Variants in MED17 observed in about 807,000 individuals in gnomAD.
The protein encoded by MED17 is mediator of RNA polymerase II transcription subunit 17.
In MED17, 49 loss-of-function variants were observed where a neutral mutation model predicts 80.8. That is an observed-to-expected ratio of 0.61 (90% CI 0.48 to 0.77). The LOEUF is 0.77. Among genes scored for constraint, MED17 ranks in the 30% least tolerant of loss-of-function variants. The pLI, the probability that MED17 is intolerant of heterozygous loss-of-function variation, is 0.00. For synonymous variants in MED17, 281 were observed against 280.4 expected (o/e 1.00, Z -0.02); for missense variants, 718 against 787.0 (o/e 0.91, Z 1.05).
Position 93,811,900 on chromosome 11 carries a change from C to T in MED17, c.1792C>T (p.Arg598Cys), listed in dbSNP as rs979902712. The change falls in exon 12 of 12, where the codon CGT becomes TGT. Residue 598 changes from arginine to cysteine, a missense_variant. Transcript: ENST00000251871. The stretch of plus-strand genomic sequence containing the variant: ...CAGCAAGATTATGGTTCAGTTTCCT[C>T]GTAACCAATGTAAAGACCTTCCAAA... ...SGSKIMVQFP[R>C]NQCKDLPKSD... 9.9e-6 allele frequency: 16 copies of T among 1,613,892 alleles called. No homozygotes were observed. The highest frequency in any genetic ancestry group is 5.3e-5 in the African/African-American group (4 of 74,892).
rs1943824876 is a variant in MED17, at chr11:93,790,648, A to C, written c.492A>C (p.Ala164=). 6.2e-7 allele frequency: 1 copy of C among 1,614,134 alleles called. No homozygotes were observed. Among genetic ancestry groups the C allele is most frequent in the Admixed American group, 1.7e-5 (1 of 60,008 alleles). Residue 164 remains alanine (A), a synonymous_variant, in exon 3 of 12, where the codon GCA becomes GCC. Coordinates refer to ENST00000251871, the MANE Select transcript of MED17 (RefSeq NM_004268.5). Reference sequence around the variant, plus strand: ...CAGCACAAATCTTATTGAAGGGGGCAGAAAGACTGACTAAATCAGTTACCG... The same window carrying C: ...CAGCACAAATCTTATTGAAGGGGGCCGAAAGACTGACTAAATCAGTTACCG... ...AGAAQILLKG[A]ERLTKSVTEN...
chr11:93,804,178 CTGT>C (rs1452253934), intron 9 of MED17, among the ~76,000 whole-genome samples: 3 of 151,826 alleles, frequency 2.0e-5, no homozygotes, highest in Admixed American at 2.0e-4. Flanking sequence ...AACCTGGAGT[CTGT>C]TGTTCAAGGG....
chr11:93,793,624 T>G (rs1342762550), intron 3 of MED17, 104 bp from the exon 4 acceptor site: 1 of 877,248 alleles, frequency 1.1e-6, no homozygotes, highest in Non-Finnish European at 1.8e-6. Flanking sequence ...GGGGACTTAC[T>G]TTGTGATTCA....
chr11:93,800,777 C>G (rs1051432199), intron 8 of MED17: 1 of 152,082 alleles, frequency 6.6e-6, no homozygotes, highest in Non-Finnish European at 1.5e-5. Flanking sequence ...GCAGGGACTA[C>G]TCGTGCACGC....
At position 93,790,602 on chromosome 11, in the gene MED17, A is replaced by G; in HGVS notation, c.446A>G (p.Lys149Arg). 1 of 1,614,136 alleles carries G rather than the reference A, an allele frequency of 6.2e-7. No homozygotes were observed. Among genetic ancestry groups the G allele is most frequent in the Non-Finnish European group, 8.5e-7 (1 of 1,180,026 alleles). Residue 149 changes from lysine (K) to arginine (R), a missense_variant, in exon 3 of 12, where the codon AAA becomes AGA. Physicochemically the swap from Lys to Arg is conservative, Grantham distance 26 (BLOSUM62 2). Transcript: ENST00000251871. Reference sequence around the variant, plus strand: ...CCTCAGACGTTGCAATTGATATCTAAAAAGAAGTCACTTGCTGGAGCAGCA... The same window carrying G: ...CCTCAGACGTTGCAATTGATATCTAGAAAGAAGTCACTTGCTGGAGCAGCA... ...QNPQTLQLIS[K>R]KKSLAGAAQI... is the part of the protein sequence containing the mutation.
chr11:93,787,439 G>T (rs1943782589), intron 1 of MED17, among the ~76,000 whole-genome samples: 1 of 151,964 alleles, frequency 6.6e-6, no homozygotes, highest in Non-Finnish European at 1.5e-5. Flanking sequence ...GAAAAGAAAG[G>T]CTACGCTCCA....
chr11:93,799,715 G>A (rs916469721), intron 8 of MED17, among the ~76,000 whole-genome samples: 1 of 152,198 alleles, frequency 6.6e-6, no homozygotes, highest in Non-Finnish European at 1.5e-5. Context: ...TGTTGAGGCT[G>A]CAGTGAGCTG....
At chr11:93,789,811 A>AC (rs1943812758) in intron 2 of MED17, 1 of 151,262 alleles carries the variant, frequency 6.6e-6, no homozygotes, top group African/African-American at 2.4e-5. Context: ...AAAAAAAAAA[A>AC]AGCCAGGCTT....
chr11:93,788,524 A>G (rs1017110585), intron 2 of MED17: 2 of 198,378 alleles, frequency 1.0e-5, no homozygotes, highest in Non-Finnish European at 2.1e-5. Flanking sequence ...TATTAAAAAT[A>G]ACAAAAATAA....
intron 6 of MED17, 111 bp from the exon 7 acceptor site, chr11:93,796,299 A>G (rs1175579431): frequency 3.7e-6 from 4 of 1,093,060 alleles, no homozygotes; most frequent in Non-Finnish European, 5.5e-6. Context: ...CTGATCTTCA[A>G]GTTTAGAATA....
chr11:93,793,863 A>C lies in MED17; in HGVS notation c.773A>C (p.Lys258Thr), dbSNP rs1482273135. ...GATTTAGAGGGGTCTGCATATATCA[A>C]GGTATTTGTCAAAATATTTTTCAAG... is the stretch of plus-strand genomic sequence containing the variant. ...PSDLEGSAYI[K>T]VSIQKQAPDI... Residue 258 changes from lysine to threonine, a missense_variant and splice_region_variant, in exon 4 of 12, where the codon AAG becomes ACG. Coordinates refer to ENST00000251871, the MANE Select transcript of MED17 (RefSeq NM_004268.5). 8.1e-6 allele frequency: 13 copies of C among 1,613,628 alleles called. No individual in the cohort carries two copies. Among genetic ancestry groups the C allele is most frequent in the Non-Finnish European group, 1.1e-5 (13 of 1,179,576 alleles).
intron 3 of MED17, among the ~76,000 whole-genome samples, chr11:93,791,236 T>C (rs1021647731): frequency 6.6e-6 from 1 of 152,252 alleles, no homozygotes; most frequent in East Asian, 1.9e-4. Context: ...AAACCACTCT[T>C]ATCAGAACCT....
At chr11:93,794,419 G>T in intron 5 of MED17, 1 of 256,566 alleles carries the variant, frequency 3.9e-6, no homozygotes, top group South Asian at 4.5e-5. Context: ...GGTCAGGCTG[G>T]TCTCGAACAC....
intron 8 of MED17, chr11:93,800,539 G>A (rs1943951858): frequency 6.6e-6 from 1 of 150,762 alleles, no homozygotes. Context: ...TGAGGCAGGA[G>A]AATCACTTGA....
At position 93,796,415 on chromosome 11, in the gene MED17, C is replaced by G. The variant is rs1201148354; in HGVS notation, c.1018C>G (p.Gln340Glu). Reference protein sequence around the residue: ...QIISQPFPSLQLSISLCHSSN... With the variant: ...QIISQPFPSLELSISLCHSSN... ...CTCCTTCTTTTTATAAATAGGCTTGCAGTTATCTATTTCTTTGTGCCATTC... is the reference window on the plus strand; with the variant it reads ...CTCCTTCTTTTTATAAATAGGCTTGGAGTTATCTATTTCTTTGTGCCATTC... The change falls in exon 7 of 12, where the codon CAG (glutamine) becomes GAG (glutamate). Residue 340 changes from glutamine (Q) to glutamate (E), a missense_variant. Physicochemically the swap from Gln to Glu is conservative, Grantham distance 29. Coordinates refer to ENST00000251871, the MANE Select transcript of MED17 (RefSeq NM_004268.5). The G allele has an allele frequency of 2.5e-6, 4 of 1,611,700 alleles. No homozygotes were observed. The highest frequency in any genetic ancestry group is 3.4e-6 in the Non-Finnish European group (4 of 1,178,188).
chr11:93,813,978 G>A lies in MED17; in HGVS notation c.*1914G>A, dbSNP rs1230495977. 2 of 152,180 alleles carry A rather than the reference G, an allele frequency of 1.3e-5. No homozygotes were observed. Among genetic ancestry groups the A allele is most frequent in the Non-Finnish European group, 2.9e-5 (2 of 68,048 alleles). The allele number at this position is 152,180 out of a possible 1,614,324, so 9.4% of individuals were successfully genotyped here. ...GATCCGCCCACCTCGGCCTCCCAAA[G>A]TGCTAGGATTACAGGCATAAGCCAC... On this transcript the variant is annotated 3_prime_UTR_variant, in exon 12 of 12. Transcript: ENST00000251871.
At chr11:93,796,637 A>G (rs545824233) in intron 7 of MED17, 97 bp downstream of exon 7, 1 of 1,339,810 alleles carries the variant, frequency 7.5e-7, no homozygotes, top group Admixed American at 1.7e-5. Context: ...TTGATTATTC[A>G]CATAGCAACA....
chr11:93,793,766 A>C lies in MED17; in HGVS notation c.676A>C (p.Lys226Gln). The change falls in exon 4 of 12, where the codon AAG becomes CAG. Residue 226 changes from lysine (K) to glutamine (Q), a missense_variant. Transcript: ENST00000251871. ...FPHHGTFEVIKNTDLDLDKKI... is the reference protein window; with the variant it reads ...FPHHGTFEVIQNTDLDLDKKI... Reference sequence around the variant, plus strand: ...TCATCATGGTACATTTGAAGTAATAAAGAATACAGATCTCGATCTGGATAA... The same window carrying C: ...TCATCATGGTACATTTGAAGTAATACAGAATACAGATCTCGATCTGGATAA... The C allele has an allele frequency of 6.3e-7, 1 of 1,589,848 alleles. No homozygotes were observed. The highest frequency in any genetic ancestry group is 8.6e-7 in the Non-Finnish European group (1 of 1,158,998).
At chr11:93,804,363 T>C (rs1252156715) in intron 9 of MED17, among the ~76,000 whole-genome samples, 2 of 152,064 alleles carry the variant, frequency 1.3e-5, no homozygotes, top group African/African-American at 2.4e-5. Context: ...AATGTTAATC[T>C]CCTTTGCACC....
Sources: allele counts gnomAD v4.1 joint callset (sites outside exome capture counted in the v4.1 genomes callset), GRCh38; gene constraint gnomAD v4.1.1; transcripts MANE v1.5; gene names NCBI Gene and HGNC (gene_info 2026-07-23, HGNC 2026-07-21).